Variants in GRID1 observed in about 807,000 individuals in gnomAD.
GRID1 encodes glutamate ionotropic receptor delta type subunit 1.
Under a neutral mutation model 98.0 loss-of-function variants are expected in GRID1, and 28 were observed. That is an observed-to-expected ratio of 0.29 (90% confidence interval 0.21 to 0.39). The LOEUF is 0.39. Among genes scored for constraint, GRID1 ranks in the 10% least tolerant of loss-of-function variants. The pLI is 1.00. For missense variants in GRID1, 1,111 were observed against 1,340.5 expected, an observed-to-expected ratio of 0.83 and a Z score of 2.67; for synonymous variants, 553 against 538.5, an observed-to-expected ratio of 1.03 and a Z score of -0.37.
intron 2 of GRID1, among the ~76,000 whole-genome samples, chr10:86,286,407 T>A (rs1431531475): frequency 1.3e-5 from 2 of 152,142 alleles, no homozygotes; most frequent in African/African-American, 4.8e-5. Context: ...GGCTCCTTCG[T>A]CAGCAAAAGA....
chr10:85,955,484 G>A (rs1842177316), intron 4 of GRID1, among the ~76,000 whole-genome samples: 1 of 152,156 alleles, frequency 6.6e-6, no homozygotes, highest in African/African-American at 2.4e-5. Flanking sequence ...CCCTACCTAG[G>A]AGGGTCTCTG....
chr10:85,738,683 T>A (rs1218433929), intron 8 of GRID1, among the ~76,000 whole-genome samples: 1 of 152,178 alleles, frequency 6.6e-6, no homozygotes, highest in African/African-American at 2.4e-5. Flanking sequence ...AACAAGCAAC[T>A]GACACACACA....
chr10:85,926,076 A>G (rs921430287), intron 4 of GRID1, among the ~76,000 whole-genome samples: 1 of 152,168 alleles, frequency 6.6e-6, no homozygotes, highest in African/African-American at 2.4e-5. Flanking sequence ...TCTGCTTTTT[A>G]GTTCTGGAGA....
intron 12 of GRID1, among the ~76,000 whole-genome samples, chr10:85,663,930 C>T (rs577186138): frequency 1.4e-4 from 21 of 152,274 alleles, no homozygotes; most frequent in African/African-American, 5.1e-4. Context: ...ATACTCCCTG[C>T]TGGATGAATA....
At chr10:85,773,234 C>G (rs1215483803) in intron 8 of GRID1, among the ~76,000 whole-genome samples, 1 of 152,272 alleles carries the variant, frequency 6.6e-6, no homozygotes, top group Admixed American at 6.5e-5. Flanking sequence ...ACATGATTAT[C>G]TCAATAGATG....
intron 2 of GRID1, among the ~76,000 whole-genome samples, chr10:86,233,015 G>A (rs559600625): frequency 1.3e-5 from 2 of 152,150 alleles, no homozygotes; most frequent in Non-Finnish European, 2.9e-5. Flanking sequence ...TTCTTCACTT[G>A]CAGGAACCCT....
intron 8 of GRID1, among the ~76,000 whole-genome samples, chr10:85,826,517 C>T (rs539742665): frequency 6.6e-6 from 1 of 152,216 alleles, no homozygotes; most frequent in African/African-American, 2.4e-5. Context: ...CGTCCCCCAC[C>T]CTGTTGTTGC....
intron 12 of GRID1, among the ~76,000 whole-genome samples, chr10:85,707,272 A>C (rs1007838397): frequency 6.6e-6 from 1 of 152,224 alleles, no homozygotes; most frequent in East Asian, 1.9e-4. Flanking sequence ...ACAAGAAAAA[A>C]AAACAAACAA....
chr10:86,127,493 C>T (rs1436894710), intron 4 of GRID1, among the ~76,000 whole-genome samples: 3 of 152,234 alleles, frequency 2.0e-5, no homozygotes, highest in African/African-American at 7.2e-5. Flanking sequence ...GAACTCTCAC[C>T]CTGCTCCTGA....
chr10:85,910,846 CT>C (rs1438465261), intron 5 of GRID1, among the ~76,000 whole-genome samples: 6 of 152,304 alleles, frequency 3.9e-5, no homozygotes, highest in African/African-American at 1.2e-4. Context: ...AATCACCCTA[CT>C]GGGGAAATAC....
chr10:86,276,276 A>G (rs1214623892), intron 2 of GRID1, among the ~76,000 whole-genome samples: 2 of 152,108 alleles, frequency 1.3e-5, no homozygotes, highest in African/African-American at 4.8e-5. Context: ...TCTTCACACA[A>G]TCTTCCCTCT....
chr10:86,181,866 T>C (rs1845659709), intron 3 of GRID1, among the ~76,000 whole-genome samples: 1 of 152,148 alleles, frequency 6.6e-6, no homozygotes, highest in Non-Finnish European at 1.5e-5. Context: ...AGGCTATAGC[T>C]CCATGAGGGC....
intron 8 of GRID1, among the ~76,000 whole-genome samples, chr10:85,735,299 G>A (rs955307609): frequency 2.0e-5 from 3 of 152,122 alleles, no homozygotes; most frequent in Non-Finnish European, 4.4e-5. Context: ...AGACAGCTAC[G>A]GTTTTCATTC....
At chr10:85,846,530 T>C (rs868259517) in intron 8 of GRID1, among the ~76,000 whole-genome samples, 14 of 151,670 alleles carry the variant, frequency 9.2e-5, no homozygotes, top group Non-Finnish European at 1.6e-4. Context: ...TCTCGAAAAG[T>C]AATAAATAAA....
At chr10:85,729,780 T>C (rs758373805) in intron 8 of GRID1, among the ~76,000 whole-genome samples, 166 bp from the exon 9 acceptor site, 1 of 152,066 alleles carries the variant, frequency 6.6e-6, no homozygotes, top group African/African-American at 2.4e-5. Flanking sequence ...AGAATAGATA[T>C]ATGGTAGACA....
At chr10:86,039,569 G>A (rs113007836) in intron 4 of GRID1, among the ~76,000 whole-genome samples, 6,126 of 152,256 alleles carry the variant, frequency 0.04, 189 homozygotes, top group Non-Finnish European at 0.063. Flanking sequence ...TGCTTGGTGA[G>A]AAGGGAAGAG....
intron 3 of GRID1, among the ~76,000 whole-genome samples, chr10:86,178,027 GGT>G (rs1471363259): frequency 1.3e-5 from 2 of 151,984 alleles, no homozygotes; most frequent in Non-Finnish European, 2.9e-5. Flanking sequence ...CCAGGGGTGA[GGT>G]GTGAGTTTTC....
chr10:85,674,757 A>G (rs1254167143), intron 12 of GRID1, among the ~76,000 whole-genome samples: 1 of 151,738 alleles, frequency 6.6e-6, no homozygotes, highest in Non-Finnish European at 1.5e-5. Flanking sequence ...TCCATAGCAG[A>G]GTCAAATGGA....
At chr10:86,172,289 A>G (rs183573873) in intron 3 of GRID1, among the ~76,000 whole-genome samples, 1 of 152,324 alleles carries the variant, frequency 6.6e-6, no homozygotes, top group Admixed American at 6.5e-5. Context: ...TTCACTTGGC[A>G]TAATGTTTTC....
Sources: gnomAD v4.1 joint callset for allele counts (sites outside exome capture counted in the v4.1 genomes callset) on GRCh38, gnomAD v4.1.1 for gene constraint, MANE v1.5 for transcripts, NCBI Gene and HGNC (gene_info 2026-07-23, HGNC 2026-07-21) for gene names.